Variants in C10orf105 observed in about 807,000 individuals in gnomAD.
C10orf105 encodes the protein chromosome 10 open reading frame 105.
C10orf105 carries 2 observed loss-of-function variants against 0.6 expected under a neutral mutation model. The ratio of observed to expected loss-of-function variants is 3.18; its 90% CI spans 1.30 to 10.01. The LOEUF is 10.01. Among genes scored for constraint, C10orf105 ranks in the 30% most tolerant of loss-of-function variants. The pLI is 0.04. For missense variants in C10orf105, 209 were observed against 191.4 expected, an observed-to-expected ratio of 1.09 and a Z score of -0.54; for synonymous variants, 95 against 82.4, an observed-to-expected ratio of 1.15 and a Z score of -0.83.
chr10:71,731,267 C>T (rs1360828038), intron 1 of C10orf105, among the ~76,000 whole-genome samples: 1 of 152,202 alleles, frequency 6.6e-6, no homozygotes, highest in African/African-American at 2.4e-5. Context: ...AGAGAGGCTC[C>T]CTGAGCTGCT....
chr10:71,718,580 G>A (rs1238815896), intron 1 of C10orf105, among the ~76,000 whole-genome samples: 2 of 152,248 alleles, frequency 1.3e-5, no homozygotes, highest in Non-Finnish European at 2.9e-5. Flanking sequence ...TTCCCGTGGG[G>A]AGAAAATCAG....
At chr10:71,725,281 G>A (rs1589376115) in intron 1 of C10orf105, 26 of 1,581,044 alleles carry the variant, frequency 1.6e-5, no homozygotes, top group South Asian at 3.3e-5. Flanking sequence ...GGAGGGGACT[G>A]GTGAACTTCT....
chr10:71,712,415 T>TC lies in C10orf105; in HGVS notation c.*3520_*3521insG. 2.2e-6 allele frequency: 1 copy of TC among 461,694 alleles called. No individual in the cohort carries two copies. The highest frequency in any genetic ancestry group is 3.5e-5 in the Admixed American group (1 of 28,214). The allele number at this position is 461,694 out of a possible 1,614,324, so 28.6% of individuals were successfully genotyped here. On this transcript the variant is annotated 3_prime_UTR_variant, in exon 2 of 2. Transcript: ENST00000441508. ...CTGTAAAATGGGGATGACAGTAAAG[T>TC]GTCTGCTTCATGGGGTTGCTGTGAG...
Position 71,712,890 on chromosome 10 carries a change from T to C in C10orf105, c.*3046A>G. ...CACACACGGCCCTGAGGGCACATGC[T>C]CAGTGGCACCAGAGGCGGAAGCAGG... On this transcript the variant is annotated 3_prime_UTR_variant, in exon 2 of 2. Transcript: ENST00000441508. The C allele has an allele frequency of 6.5e-7, 1 of 1,529,164 alleles. No homozygotes were observed. Among genetic ancestry groups the C allele is most frequent in the Non-Finnish European group, 8.9e-7 (1 of 1,120,744 alleles). 94.7% of individuals were successfully genotyped at this position (1,529,164 alleles called of 1,614,324 possible).
At chr10:71,737,756 CCG>C (rs953561379) in exon 1 of C10orf105, 4 of 469,880 alleles carry the variant, frequency 8.5e-6, no homozygotes, top group African/African-American at 8.1e-5. Context: ...TGGCCTGTGG[CCG>C]TCCGTGGACT....
At chr10:71,737,724 G>A (rs775007932) in intron 1 of C10orf105, 2 of 470,898 alleles carry the variant, frequency 4.2e-6, no homozygotes, top group South Asian at 3.1e-5. Context: ...GAACCCCTGG[G>A]TACCTGTGAT....
At chr10:71,722,454 ACTGAGTGTCAGCCTAGTTCCTCTC>A (rs1282755476), upstream of C10orf105, among the ~76,000 whole-genome samples, 1 of 152,214 alleles carries the variant, frequency 6.6e-6, no homozygotes, top group Non-Finnish European at 1.5e-5. Context: ...ATTCGTGCTT[ACTGAGTGTCAGCCTAGTTCCTCTC>A]CCTGGAGCTC....
At chr10:71,730,081 A>G (rs1229531172) in intron 1 of C10orf105, among the ~76,000 whole-genome samples, 2 of 151,836 alleles carry the variant, frequency 1.3e-5, no homozygotes, top group East Asian at 1.9e-4. Context: ...TGATCTGCCC[A>G]CCTCGGCCTC....
At chr10:71,736,839 G>A (rs1306189864) in intron 1 of C10orf105, among the ~76,000 whole-genome samples, 1 of 152,188 alleles carries the variant, frequency 6.6e-6, no homozygotes, top group African/African-American at 2.4e-5. Context: ...GATCACAGCA[G>A]TAAATGTATG....
intron 1 of C10orf105, chr10:71,734,430 G>C (rs534338222): frequency 6.7e-7 from 1 of 1,491,086 alleles, no homozygotes; most frequent in South Asian, 1.2e-5. Context: ...GCCACCCAAT[G>C]TATGGGCCAG....
upstream of C10orf105, chr10:71,723,963 G>T (rs1866687797): frequency 6.7e-7 from 1 of 1,485,630 alleles, no homozygotes; most frequent in Non-Finnish European, 9.2e-7. Flanking sequence ...GATGCGTGAA[G>T]GGAAGGAAAG....
chr10:71,725,232 T>C, intron 1 of C10orf105: 2 of 1,473,776 alleles, frequency 1.4e-6, no homozygotes, highest in East Asian at 2.3e-5. Flanking sequence ...CTCTCCACTG[T>C]GAATTCTGTG....
chr10:71,734,148 G>A, intron 1 of C10orf105: 2 of 1,009,706 alleles, frequency 2.0e-6, no homozygotes, highest in Non-Finnish European at 3.1e-6. Context: ...GCCGGACAGA[G>A]GAAGTGACAT....
At chr10:71,719,301 A>G (rs1486742266) in intron 1 of C10orf105, among the ~76,000 whole-genome samples, 3 of 152,188 alleles carry the variant, frequency 2.0e-5, no homozygotes, top group African/African-American at 7.2e-5. Context: ...GCCAGGAATC[A>G]TCTGGAGGGC....
At chr10:71,737,007 GGT>G (rs1389572663) in intron 1 of C10orf105, among the ~76,000 whole-genome samples, 1 of 152,146 alleles carries the variant, frequency 6.6e-6, no homozygotes, top group Non-Finnish European at 1.5e-5. Flanking sequence ...AAAGCCCTGT[GGT>G]GTGAGGAAAC....
chr10:71,716,194 C>A lies in C10orf105; in HGVS notation c.144G>T (p.Leu48=), dbSNP rs1454963688. 2 of 1,550,974 alleles carry A rather than the reference C, an allele frequency of 1.3e-6. No homozygotes were observed. Among genetic ancestry groups the A allele is most frequent in the Admixed American group, 2.0e-5 (1 of 50,944 alleles). The change falls in exon 2 of 2, where the codon CTG becomes CTT. Residue 48 remains leucine, a synonymous_variant. Transcript: ENST00000441508. ...MLIALACIFL[L]LATCLLFMTL... ...TCATGAACAGCAGACAGGTGGCCAG[C>A]AGGAGGAAGATGCAGGCCAGGGCGA...
intron 1 of C10orf105, among the ~76,000 whole-genome samples, chr10:71,736,511 G>T (rs1839570068): frequency 6.6e-6 from 1 of 152,180 alleles, no homozygotes; most frequent in Admixed American, 6.5e-5. Flanking sequence ...GTAAGTTCAG[G>T]CCTTCAGGGG....
At chr10:71,733,571 G>A (rs1020120821) in intron 1 of C10orf105, among the ~76,000 whole-genome samples, 1 of 152,146 alleles carries the variant, frequency 6.6e-6, no homozygotes, top group Non-Finnish European at 1.5e-5. Flanking sequence ...AGAGCTTTGT[G>A]CCAGGAACCA....
chr10:71,732,268 G>T, intron 1 of C10orf105: 1 of 1,613,620 alleles, frequency 6.2e-7, no homozygotes, highest in Non-Finnish European at 8.5e-7. Flanking sequence ...TACTGAGATT[G>T]TGCGGGTCCA....
Sources: gnomAD v4.1 joint callset for allele counts (sites outside exome capture counted in the v4.1 genomes callset) on GRCh38, gnomAD v4.1.1 for gene constraint, MANE v1.5 for transcripts, NCBI Gene and HGNC (gene_info 2026-07-23, HGNC 2026-07-21) for gene names.